Variants in GRIP1 observed in about 807,000 individuals in gnomAD.
The protein encoded by GRIP1 is glutamate receptor-interacting protein 1.
In GRIP1, 45 loss-of-function variants were observed where a neutral mutation model predicts 129.9. That is an observed-to-expected ratio of 0.35 (90% confidence interval 0.27 to 0.44). GRIP1 has a LOEUF of 0.44. Among genes scored for constraint, GRIP1 ranks in the 20% least tolerant of loss-of-function variants. The probability of loss-of-function intolerance (pLI) is 1.00; values close to 1 mark genes in which losing one functional copy is unlikely to be tolerated. For missense variants in GRIP1, 1,196 were observed against 1,396.8 expected, an observed-to-expected ratio of 0.86 and a Z score of 2.29; for synonymous variants, 530 against 520.8, an observed-to-expected ratio of 1.02 and a Z score of -0.24.
At chr12:66,666,179 T>C (rs1349640555) in intron 1 of GRIP1, among the ~76,000 whole-genome samples, 1 of 152,166 alleles carries the variant, frequency 6.6e-6, no homozygotes, top group Non-Finnish European at 1.5e-5. Context: ...GAATATAAAA[T>C]TTTAAATATG....
At chr12:66,996,274 G>A (rs981615090) in intron 1 of GRIP1, among the ~76,000 whole-genome samples, 1 of 151,904 alleles carries the variant, frequency 6.6e-6, no homozygotes, top group African/African-American at 2.4e-5. Context: ...TCACTGGCTT[G>A]CACACTTTAA....
intron 1 of GRIP1, among the ~76,000 whole-genome samples, chr12:66,982,809 C>A (rs2042258226): frequency 6.6e-6 from 1 of 152,156 alleles, no homozygotes; most frequent in Non-Finnish European, 1.5e-5. Context: ...TTCTGACCTG[C>A]AGGAACTTTT....
intron 11 of GRIP1, among the ~76,000 whole-genome samples, chr12:66,446,258 T>C (rs1464841850): frequency 1.3e-5 from 2 of 152,110 alleles, no homozygotes; most frequent in Non-Finnish European, 2.9e-5. Flanking sequence ...CTCCATCTTA[T>C]TTCCATTCTG....
rs537754824 is a variant in GRIP1 at position 66,623,475 on chromosome 12, A to G, written c.56-26548T>C. ...TCATCTCTTGGTATGATGAGTTCCA[A>G]CTAAATGGGAAACAATATATACTTG... On this transcript the variant is annotated intron_variant, in intron 1 of 24. Coordinates refer to ENST00000359742, the MANE Select transcript of GRIP1 (RefSeq NM_001366722.1). Among the ~76,000 whole-genome samples, 3 of 152,310 alleles carry G rather than the reference A, an allele frequency of 2.0e-5. No individual in the cohort carries two copies. The South Asian group carries it at 6.2e-4, about 32-fold the overall frequency.
At chr12:66,547,733 A>G (rs1357969442) in intron 2 of GRIP1, among the ~76,000 whole-genome samples, 2 of 152,154 alleles carry the variant, frequency 1.3e-5, no homozygotes, top group African/African-American at 2.4e-5. Context: ...AAATTATAGC[A>G]CTAGAGTATG....
intron 1 of GRIP1, among the ~76,000 whole-genome samples, chr12:66,709,504 C>T (rs1302175456): frequency 6.6e-6 from 1 of 151,922 alleles, no homozygotes; most frequent in Non-Finnish European, 1.5e-5. Flanking sequence ...ATTTGTCCTA[C>T]TTAGTGTGAA....
chr12:66,509,571 G>C (rs1170865436), intron 7 of GRIP1, among the ~76,000 whole-genome samples: 1 of 152,076 alleles, frequency 6.6e-6, no homozygotes, highest in African/African-American at 2.4e-5. Context: ...TCACAGACTG[G>C]ATAAAGAAAA....
At chr12:66,639,347 G>A (rs1029787110) in intron 1 of GRIP1, among the ~76,000 whole-genome samples, 2 of 152,160 alleles carry the variant, frequency 1.3e-5, no homozygotes, top group Non-Finnish European at 2.9e-5. Context: ...GTAAGCAGAA[G>A]TTAGCTAAAG....
At chr12:66,496,352 C>T (rs574793878) in intron 7 of GRIP1, among the ~76,000 whole-genome samples, 2 of 152,114 alleles carry the variant, frequency 1.3e-5, no homozygotes, top group Non-Finnish European at 2.9e-5. Flanking sequence ...ACCCAGCTTT[C>T]GATGAGCCAA....
intron 9 of GRIP1, 80 bp downstream of exon 9, chr12:66,462,844 C>G: frequency 2.5e-6 from 2 of 784,592 alleles, no homozygotes; most frequent in South Asian, 1.4e-5. Flanking sequence ...GACCCAGTGT[C>G]TTTCTGCTGT....
chr12:66,436,384 G>A (rs1241381887), intron 13 of GRIP1, among the ~76,000 whole-genome samples: 1 of 151,926 alleles, frequency 6.6e-6, no homozygotes, highest in Non-Finnish European at 1.5e-5. Context: ...CTTCTTTCCA[G>A]AACAAAGATA....
At chr12:66,640,686 T>C (rs2031840677) in intron 1 of GRIP1, among the ~76,000 whole-genome samples, 1 of 152,160 alleles carries the variant, frequency 6.6e-6, no homozygotes, top group Non-Finnish European at 1.5e-5. Context: ...TACTGGGCCA[T>C]TTTCTCCACA....
intron 7 of GRIP1, among the ~76,000 whole-genome samples, chr12:66,512,845 A>G (rs1333959653): frequency 6.6e-6 from 1 of 152,124 alleles, no homozygotes; most frequent in African/African-American, 2.4e-5. Flanking sequence ...GCTGGTAGTA[A>G]TATAAAATAG....
intron 7 of GRIP1, among the ~76,000 whole-genome samples, chr12:66,507,783 T>C (rs374600043): frequency 3.2e-5 from 4 of 124,300 alleles, no homozygotes; most frequent in Admixed American, 8.2e-5. Context: ...TTCTTTCTTT[T>C]TTTTTACAGA....
chr12:67,019,292 G>A (rs1322678128), intron 1 of GRIP1, among the ~76,000 whole-genome samples: 1 of 152,162 alleles, frequency 6.6e-6, no homozygotes, highest in Non-Finnish European at 1.5e-5. Flanking sequence ...AACAGCCATA[G>A]TTAGGACCTC....
chr12:66,526,239 A>G (rs79503645), intron 5 of GRIP1, among the ~76,000 whole-genome samples: 67,888 of 146,520 alleles, frequency 0.46, 16,104 homozygotes, highest in African/African-American at 0.55. Context: ...TAAGCCAAAA[A>G]AACAAAGCTG....
chr12:66,780,176 A>G (rs2136780069), intron 1 of GRIP1, among the ~76,000 whole-genome samples: 1 of 152,294 alleles, frequency 6.6e-6, no homozygotes, highest in South Asian at 2.1e-4. Flanking sequence ...GATGTATCTC[A>G]CAAACTCCAA....
intron 1 of GRIP1, among the ~76,000 whole-genome samples, chr12:66,686,862 A>G (rs1165061587): frequency 6.6e-6 from 1 of 152,128 alleles, no homozygotes; most frequent in Non-Finnish European, 1.5e-5. Flanking sequence ...TTTGAAACCA[A>G]CATGGGCAAT....
At chr12:67,067,271 ATACAAG>A (rs1428851141) in intron 1 of GRIP1, among the ~76,000 whole-genome samples, 1 of 152,184 alleles carries the variant, frequency 6.6e-6, no homozygotes, top group Non-Finnish European at 1.5e-5. Context: ...TCCAAAAGAC[ATACAAG>A]TACATTTCGT....
Sources: gnomAD v4.1 joint callset for allele counts (sites outside exome capture counted in the v4.1 genomes callset) on GRCh38, gnomAD v4.1.1 for gene constraint, MANE v1.5 for transcripts, NCBI Gene and HGNC (gene_info 2026-07-23, HGNC 2026-07-21) for gene names.